The following OLFM1 variants were observed in gnomAD, a reference collection of about 807,000 sequenced individuals.
The protein encoded by OLFM1 is noelin.
A neutral mutation model predicts 49.7 loss-of-function variants in OLFM1; 9 were observed. The observed-to-expected ratio is 0.18, with a 90% CI of 0.11 to 0.32. OLFM1 has a LOEUF of 0.32. Among genes scored for constraint, OLFM1 ranks in the 10% least tolerant of loss-of-function variants. The pLI is 1.00. For missense variants in OLFM1, 369 were observed against 661.8 expected, an observed-to-expected ratio of 0.56 and a Z score of 4.85; for synonymous variants, 240 against 271.8, an observed-to-expected ratio of 0.88 and a Z score of 1.15.
upstream of OLFM1, among the ~76,000 whole-genome samples, chr9:135,087,104 CA>C (rs1830607488): frequency 6.6e-6 from 1 of 152,248 alleles, no homozygotes. Context: ...GGCCTTAGGG[CA>C]CCGCGGCTGC....
Position 135,087,832 on chromosome 9 carries a change from CG to C in OLFM1, c.-154del. 1.1e-6 allele frequency: 1 copy of C among 912,214 alleles called. No homozygotes were observed. Among genetic ancestry groups the C allele is most frequent in the Non-Finnish European group, 1.3e-6 (1 of 766,038 alleles). 56.5% of individuals were successfully genotyped at this position (912,214 alleles called of 1,614,324 possible). A position where few individuals can be genotyped will look rare whatever the true frequency, so the allele number is the denominator to read the frequency against. On this transcript the variant is annotated 5_prime_UTR_variant, in exon 1 of 6. An upstream open reading frame in the 5' UTR loses its in-frame stop. Coordinates refer to ENST00000371793, the MANE Select transcript of OLFM1 (RefSeq NM_001282611.2). The stretch of plus-strand genomic sequence containing the variant: ...AAGGCGCGGCGATGGCCGGGGCGCG[CG>C]GGGCGGCGGCGGCGGCGGGCGGGCG...
upstream of OLFM1, among the ~76,000 whole-genome samples, chr9:135,085,055 G>A (rs1452714159): frequency 6.6e-6 from 1 of 152,220 alleles, no homozygotes; most frequent in Admixed American, 6.5e-5. Context: ...GATGCAGAGG[G>A]GGTGTGCTTG....
At position 135,088,076 on chromosome 9, in the gene OLFM1, G is replaced by A; in HGVS notation, c.87G>A (p.Leu29=). The A allele has an allele frequency of 6.9e-7, 1 of 1,449,006 alleles. No individual in the cohort carries two copies. The highest frequency in any genetic ancestry group is 9.2e-7 in the Non-Finnish European group (1 of 1,088,524). The allele number at this position is 1,449,006 out of a possible 1,614,324, so 89.8% of individuals were successfully genotyped here. The change falls in exon 1 of 6, where the codon CTG becomes CTA. Residue 29 remains leucine, a synonymous_variant. Coordinates refer to ENST00000371793, the MANE Select transcript of OLFM1 (RefSeq NM_001282611.2). This position sits in a 1 kb window ranked among gnomAD's most constrained non-coding sequence, Gnocchi z 4.8. ...GGATGTCCCAGACGCTGCCCTCGCTGGTGGGCCTCAACACCACCAAGCTCT... is the reference window on the plus strand; with the variant it reads ...GGATGTCCCAGACGCTGCCCTCGCTAGTGGGCCTCAACACCACCAAGCTCT... ...TNWMSQTLPS[L]VGLNTTKLSA... is the part of the protein sequence containing the mutation.
rs1302659009 is a variant in OLFM1 at position 135,098,520 on chromosome 9, C to T, written c.676+15C>T. 3 of 1,606,014 alleles carry T rather than the reference C, an allele frequency of 1.9e-6. No individual in the cohort carries two copies. The highest frequency in any genetic ancestry group is 1.3e-5 in the African/African-American group (1 of 74,782). On this transcript the variant is annotated intron_variant, in intron 4 of 5. Coordinates refer to ENST00000371793, the MANE Select transcript of OLFM1 (RefSeq NM_001282611.2). This position sits in a 1 kb window ranked among gnomAD's most constrained non-coding sequence, Gnocchi z 5.6. ...GCAAAAACTAGGTAGGCCCAGTACC[C>T]TGCGGGACGTGGCGCTGCACTGCCC...
At chr9:135,099,871 G>A (rs767365948) in intron 4 of OLFM1, among the ~76,000 whole-genome samples, 4 of 151,982 alleles carry the variant, frequency 2.6e-5, no homozygotes, top group Non-Finnish European at 5.9e-5. Flanking sequence ...TCTAGGAGTT[G>A]GTGTGAGTGT....
upstream of OLFM1, chr9:135,086,539 C>T (rs956175481): frequency 2.3e-6 from 1 of 433,886 alleles, no homozygotes; most frequent in Non-Finnish European, 4.7e-6. Flanking sequence ...AATTTTCGCC[C>T]AGGCAGAGAA....
upstream of OLFM1, among the ~76,000 whole-genome samples, chr9:135,087,060 A>T (rs538801060): frequency 6.6e-6 from 1 of 152,334 alleles, no homozygotes; most frequent in Non-Finnish European, 1.5e-5. Context: ...TGCAGGTGTC[A>T]GGAGTGCCGG....
chr9:135,083,873 C>T (rs1830562847), upstream of OLFM1, among the ~76,000 whole-genome samples: 1 of 152,234 alleles, frequency 6.6e-6, no homozygotes, highest in Non-Finnish European at 1.5e-5. Context: ...CTTAGCCGTT[C>T]TCCCTCCCGG....
intron 5 of OLFM1, among the ~76,000 whole-genome samples, chr9:135,115,142 A>T (rs1479730576): frequency 1.3e-5 from 2 of 152,186 alleles, no homozygotes; most frequent in African/African-American, 4.8e-5. Context: ...ACTTCTTTGT[A>T]ATTCAGCCCT....
At chr9:135,084,498 TTC>T (rs10586568), upstream of OLFM1, among the ~76,000 whole-genome samples, 2 of 148,594 alleles carry the variant, frequency 1.3e-5, no homozygotes, top group African/African-American at 4.9e-5. This position sits in a 1 kb window ranked among gnomAD's most constrained non-coding sequence, Gnocchi z 4.6. Flanking sequence ...TTCTCCTCTC[TTC>T]TCTCTCCTCT....
intron 1 of OLFM1, among the ~76,000 whole-genome samples, chr9:135,079,726 G>A (rs1830510088): frequency 6.6e-6 from 1 of 152,196 alleles, no homozygotes; most frequent in African/African-American, 2.4e-5. Flanking sequence ...GGTATTTGAA[G>A]TGTTTGAAGA....
intron 2 of OLFM1, among the ~76,000 whole-genome samples, chr9:135,092,739 G>C (rs1207891691): frequency 1.3e-5 from 2 of 152,218 alleles, no homozygotes; most frequent in Admixed American, 6.5e-5. Context: ...CTTCCTGCCT[G>C]TGCGTGCCAC....
Position 135,113,605 on chromosome 9 carries a change from G to T in OLFM1, c.784-5899G>T, listed in dbSNP as rs909804826. Reference sequence around the variant, plus strand: ...GCTTCTTGGTGCCGCATTAACAGGAGTCCAGCCACGTGGACACCCCTCACT... The same window carrying T: ...GCTTCTTGGTGCCGCATTAACAGGATTCCAGCCACGTGGACACCCCTCACT... On this transcript the variant is annotated intron_variant, in intron 5 of 5. Coordinates refer to ENST00000371793, the MANE Select transcript of OLFM1 (RefSeq NM_001282611.2). This position sits in a 1 kb window ranked among gnomAD's most constrained non-coding sequence, Gnocchi z 4.0. Among the ~76,000 whole-genome samples, 1 of 152,178 alleles carries T rather than the reference G, an allele frequency of 6.6e-6. No homozygotes were observed. The highest frequency in any genetic ancestry group is 2.4e-5 in the African/African-American group (1 of 41,450).
intron 5 of OLFM1, among the ~76,000 whole-genome samples, chr9:135,115,262 C>G (rs529819593): frequency 1.1e-4 from 17 of 152,362 alleles, no homozygotes; most frequent in Non-Finnish European, 2.4e-4. Flanking sequence ...TCAGGCCGAG[C>G]CTTCAAACCC....
chr9:135,082,834 A>G (rs1830549296), upstream of OLFM1, among the ~76,000 whole-genome samples: 1 of 152,194 alleles, frequency 6.6e-6, no homozygotes, highest in Non-Finnish European at 1.5e-5. Flanking sequence ...GGTGGCTAAG[A>G]ACGTTTCCGA....
At chr9:135,090,151 C>T (rs773459098) in intron 1 of OLFM1, 44 bp from the exon 2 acceptor site, 4 of 1,556,984 alleles carry the variant, frequency 2.6e-6, no homozygotes, top group Middle Eastern at 2.0e-4. Flanking sequence ...TCATGGTCTC[C>T]CTTTCTCTCC....
At chr9:135,097,925 A>C in intron 3 of OLFM1, 1 of 1,505,386 alleles carries the variant, frequency 6.6e-7, no homozygotes, top group Non-Finnish European at 8.8e-7. Context: ...TCACTAAGGA[A>C]CCTTGAATAC....
chr9:135,102,633 C>A (rs757806091), intron 4 of OLFM1, among the ~76,000 whole-genome samples: 2 of 152,152 alleles, frequency 1.3e-5, no homozygotes, highest in African/African-American at 4.8e-5. Flanking sequence ...GGTCTGATCT[C>A]GAGGCCTGGC....
chr9:135,114,994 G>A lies in OLFM1; in HGVS notation c.784-4510G>A, dbSNP rs1347974602. 4.6e-5 allele frequency among the ~76,000 whole-genome samples: 7 copies of A among 152,296 alleles called. No individual in the cohort carries two copies. The South Asian group carries it at 6.2e-4, about 14-fold the overall frequency. Reference sequence around the variant, plus strand: ...CCCACCCCTGCTCTATGGCAGGAAGGATGAGGCCAGGCAGGAACAGCAAGC... The same window carrying A: ...CCCACCCCTGCTCTATGGCAGGAAGAATGAGGCCAGGCAGGAACAGCAAGC... On this transcript the variant is annotated intron_variant, in intron 5 of 5. Transcript: ENST00000371793.
Sources: gnomAD v4.1 joint callset for allele counts (sites outside exome capture counted in the v4.1 genomes callset) on GRCh38, gnomAD v4.1.1 for gene constraint, Gnocchi (gnomAD v3.1) non-coding constraint, MANE v1.5 for transcripts, NCBI Gene and HGNC (gene_info 2026-07-23, HGNC 2026-07-21) for gene names.